The following SLIT2 variants were observed in gnomAD, a reference collection of about 807,000 sequenced individuals.
SLIT2 encodes the protein slit homolog 2 protein.
A neutral mutation model predicts 185.7 loss-of-function variants in SLIT2; 41 were observed. The observed-to-expected ratio is 0.22, with a 90% CI of 0.17 to 0.29. The LOEUF (loss-of-function observed/expected upper bound fraction) is 0.29. Ranked by LOEUF, SLIT2 falls within the 10% of genes least tolerant of loss-of-function variation. The pLI is 1.00. For synonymous variants in SLIT2, 693 were observed against 680.2 expected (o/e 1.02, Z -0.29); for missense variants, 1,571 against 1,909.0 (o/e 0.82, Z 3.30).
chr4:20,536,558 C>CAAAAA (rs35710842), intron 18 of SLIT2, among the ~76,000 whole-genome samples: 53 of 75,798 alleles, frequency 7.0e-4, no homozygotes, highest in Non-Finnish European at 8.3e-4. Context: ...AACTCTGTCG[C>CAAAAA]AAAAAAAAAA....
Position 20,254,540 on chromosome 4 carries a change from C to T in SLIT2, c.179+546C>T, listed in dbSNP as rs1711554419. 6.6e-6 allele frequency among the ~76,000 whole-genome samples: 1 copy of T among 152,130 alleles called. No individual in the cohort carries two copies. The highest frequency in any genetic ancestry group is 6.5e-5 in the Admixed American group (1 of 15,280). ...ATGGAGTGCCTGGGGGTGCTTCTCA[C>T]AGGTCGCGGGGAGAAGGGTGCCCCA... On this transcript the variant is annotated intron_variant, in intron 1 of 36. Coordinates refer to ENST00000504154, the MANE Select transcript of SLIT2 (RefSeq NM_004787.4). This position sits in a 1 kb window ranked among gnomAD's most constrained non-coding sequence, Gnocchi z 5.1.
At chr4:20,536,191 T>C (rs933340091) in intron 18 of SLIT2, among the ~76,000 whole-genome samples, 1 of 152,084 alleles carries the variant, frequency 6.6e-6, no homozygotes, top group Non-Finnish European at 1.5e-5. Context: ...TTTCTCTGGG[T>C]GAGTGAATGA....
At chr4:20,314,315 A>G (rs926022685) in intron 4 of SLIT2, among the ~76,000 whole-genome samples, 2 of 152,246 alleles carry the variant, frequency 1.3e-5, no homozygotes, top group African/African-American at 4.8e-5. Flanking sequence ...CAAAGTATGA[A>G]CAACCTTCTT....
chr4:20,377,727 T>G (rs1456512478), intron 4 of SLIT2, among the ~76,000 whole-genome samples: 1 of 152,094 alleles, frequency 6.6e-6, no homozygotes, highest in Non-Finnish European at 1.5e-5. Flanking sequence ...TCCAAGTAGG[T>G]AGGACAGTTC....
chr4:20,539,145 C>T (rs116286551), intron 18 of SLIT2, among the ~76,000 whole-genome samples: 318 of 152,268 alleles, frequency 2.1e-3, no homozygotes, highest in African/African-American at 7.0e-3. Flanking sequence ...TATGCAATCA[C>T]GCAAACATAA....
chr4:20,518,583 A>ATG (rs1720505589), intron 11 of SLIT2, among the ~76,000 whole-genome samples: 1 of 23,598 alleles, frequency 4.2e-5, no homozygotes, highest in East Asian at 1.6e-3. Flanking sequence ...ATATATATAT[A>ATG]TATATTTTTT....
At chr4:20,570,997 CAT>C (rs1725560284) in intron 29 of SLIT2, among the ~76,000 whole-genome samples, 2 of 152,094 alleles carry the variant, frequency 1.3e-5, no homozygotes, top group African/African-American at 2.4e-5. Context: ...CTCTTGAACA[CAT>C]GTTTTCTCCT....
intron 4 of SLIT2, among the ~76,000 whole-genome samples, chr4:20,407,029 CA>C (rs145447625): frequency 0.21 from 32,321 of 151,838 alleles, 3,724 homozygotes; most frequent in Non-Finnish European, 0.27. Context: ...TAATGTTGAA[CA>C]AAAAAATATC....
In SLIT2 at chr4:20,602,563, T is replaced by C. The variant is rs146135852; in HGVS notation, c.3692+4168T>C. On this transcript the variant is annotated intron_variant, in intron 33 of 36. Coordinates refer to ENST00000504154, the MANE Select transcript of SLIT2 (RefSeq NM_004787.4). ...CTGCATTGGAATCACCTGAAAAACA[T>C]GTTAAAATACAGGCGTTGGGCACCA... Among the ~76,000 whole-genome samples, 455 of 152,280 alleles carry C rather than the reference T, an allele frequency of 3.0e-3. 14 individuals are homozygous for C. In the South Asian group the frequency reaches 0.072, roughly 24 times the overall value.
At chr4:20,529,451 A>G (rs1490209176) in intron 16 of SLIT2, among the ~76,000 whole-genome samples, 1 of 152,168 alleles carries the variant, frequency 6.6e-6, no homozygotes, top group African/African-American at 2.4e-5. Context: ...TATAGCAACT[A>G]AATAAAGTAG....
intron 34 of SLIT2, among the ~76,000 whole-genome samples, chr4:20,612,399 C>A (rs1729293021): frequency 6.6e-6 from 1 of 150,800 alleles, no homozygotes; most frequent in Admixed American, 6.6e-5. Flanking sequence ...AAAATTCAAA[C>A]AACACCTCTG....
chr4:20,493,203 A>C (rs1226643554), intron 9 of SLIT2, among the ~76,000 whole-genome samples: 1 of 152,154 alleles, frequency 6.6e-6, no homozygotes, highest in East Asian at 1.9e-4. Context: ...AGTTGAACCT[A>C]ATTAGAATAA....
chr4:20,353,526 TA>T (rs987244266), intron 4 of SLIT2, among the ~76,000 whole-genome samples: 10 of 151,758 alleles, frequency 6.6e-5, no homozygotes, highest in African/African-American at 1.7e-4. Flanking sequence ...AATATTTATT[TA>T]AAAAAAACAA....
chr4:20,554,213 A>G, intron 26 of SLIT2: 1 of 578,596 alleles, frequency 1.7e-6, no homozygotes. Flanking sequence ...GTATCAAAAA[A>G]CGTAGAGTTC....
intron 4 of SLIT2, among the ~76,000 whole-genome samples, chr4:20,271,460 A>G (rs1713599556): frequency 6.9e-6 from 1 of 145,146 alleles, no homozygotes; most frequent in Admixed American, 7.1e-5. Flanking sequence ...TAATTTATAT[A>G]TAATATTTAT....
chr4:20,528,187 A>G lies in SLIT2; in HGVS notation c.1463-762A>G. On this transcript the variant is annotated intron_variant, in intron 15 of 36. Transcript: ENST00000504154. The surrounding 1 kb of genome is among the most constrained non-coding windows in gnomAD (Gnocchi z 4.2). ...CGGGAAGAATGCATGTCATGTAAAC[A>G]GTATTACGTTTCCAGAACGTCTGTA... is the stretch of plus-strand genomic sequence containing the variant. 1.9e-6 allele frequency: 1 copy of G among 515,742 alleles called. No homozygotes were observed. 31.9% of individuals were successfully genotyped at this position (515,742 alleles called of 1,614,324 possible). A position where few individuals can be genotyped will look rare whatever the true frequency, so the allele number is the denominator to read the frequency against.
At chr4:20,520,094 A>G (rs929653022) in intron 12 of SLIT2, among the ~76,000 whole-genome samples, 2 of 151,778 alleles carry the variant, frequency 1.3e-5, no homozygotes, top group Admixed American at 6.6e-5. Flanking sequence ...TTGTCCAGAG[A>G]ATCTGCAGGA....
intron 26 of SLIT2, among the ~76,000 whole-genome samples, chr4:20,557,180 G>A (rs1275981382): frequency 1.3e-5 from 2 of 152,072 alleles, no homozygotes; most frequent in African/African-American, 2.4e-5. Context: ...TTACCCAGAA[G>A]ATCTAAGATA....
chr4:20,501,209 G>A (rs1215525526), intron 9 of SLIT2, among the ~76,000 whole-genome samples: 1 of 152,068 alleles, frequency 6.6e-6, no homozygotes, highest in Non-Finnish European at 1.5e-5. Context: ...GCTTCCTACA[G>A]ACACAGAGCA....
Sources: allele counts gnomAD v4.1 joint callset (sites outside exome capture counted in the v4.1 genomes callset), GRCh38; gene constraint gnomAD v4.1.1; non-coding constraint Gnocchi (gnomAD v3.1); transcripts MANE v1.5; gene names NCBI Gene and HGNC (gene_info 2026-07-23, HGNC 2026-07-21).